The following PTPRO variants were observed in gnomAD, a reference collection of about 807,000 sequenced individuals.
The protein encoded by PTPRO is protein tyrosine phosphatase receptor type O.
In PTPRO, 62 loss-of-function variants were observed where a neutral mutation model predicts 145.2. The observed-to-expected ratio is 0.43, with a 90% CI of 0.35 to 0.53. The LOEUF (loss-of-function observed/expected upper bound fraction) is 0.53. Ranked by LOEUF, PTPRO falls within the 20% of genes least tolerant of loss-of-function variation. PTPRO has a pLI of 0.01. For synonymous variants in PTPRO, 565 were observed against 514.7 expected, an observed-to-expected ratio of 1.10 and a Z score of -1.32; for missense variants, 1,345 against 1,482.7, an observed-to-expected ratio of 0.91 and a Z score of 1.53.
At chr12:15,439,952 TC>T in intron 1 of PTPRO, 1 of 684,626 alleles carries the variant, frequency 1.5e-6, no homozygotes, top group Non-Finnish European at 2.7e-6. Context: ...TGTTAAGTGC[TC>T]CAAGGAGGTG....
chr12:15,539,055 C>A (rs1056719199), intron 12 of PTPRO, among the ~76,000 whole-genome samples: 2 of 151,964 alleles, frequency 1.3e-5, no homozygotes, highest in African/African-American at 4.8e-5. Context: ...ATATATGACT[C>A]CTAACAAAAT....
At chr12:15,477,659 C>A (rs1446766090) in intron 1 of PTPRO, among the ~76,000 whole-genome samples, 1 of 152,038 alleles carries the variant, frequency 6.6e-6, no homozygotes, top group African/African-American at 2.4e-5. Context: ...GCCTTCAGAG[C>A]GTGAGTCGGG....
chr12:15,385,629 T>C (rs932851483), intron 1 of PTPRO, among the ~76,000 whole-genome samples: 1 of 151,974 alleles, frequency 6.6e-6, no homozygotes, highest in African/African-American at 2.4e-5. Context: ...CTGGCTAACA[T>C]GGTGAAACCC....
At chr12:15,492,230 G>A (rs1289042217) in intron 2 of PTPRO, among the ~76,000 whole-genome samples, 1 of 152,096 alleles carries the variant, frequency 6.6e-6, no homozygotes, top group Non-Finnish European at 1.5e-5. Flanking sequence ...CATCAAATGA[G>A]CCCAGAGCCT....
intron 1 of PTPRO, among the ~76,000 whole-genome samples, chr12:15,324,714 GA>G (rs1417182839): frequency 1.3e-5 from 2 of 152,072 alleles, no homozygotes; most frequent in African/African-American, 4.8e-5. Flanking sequence ...GAGGAAAGAA[GA>G]AAAAACTGTA....
intron 1 of PTPRO, among the ~76,000 whole-genome samples, chr12:15,454,766 A>G (rs1941133581): frequency 6.6e-6 from 1 of 152,160 alleles, no homozygotes; most frequent in African/African-American, 2.4e-5. Context: ...ATGTAGGGAA[A>G]GATAAGGGTC....
chr12:15,518,676 A>G (rs1942650113), intron 9 of PTPRO, among the ~76,000 whole-genome samples: 2 of 152,162 alleles, frequency 1.3e-5, no homozygotes, highest in South Asian at 4.1e-4. Context: ...ACCCTAAATC[A>G]TCTCTCTTAA....
chr12:15,484,397 G>T, intron 2 of PTPRO, 150 bp downstream of exon 2: 2 of 859,628 alleles, frequency 2.3e-6, no homozygotes, highest in Non-Finnish European at 3.6e-6. Context: ...GCTATATTAA[G>T]AATACAGCTG....
In PTPRO at chr12:15,388,016, A is replaced by G. The variant is rs111788814; in HGVS notation, c.75+65215A>G. On this transcript the variant is annotated intron_variant, in intron 1 of 26. Transcript: ENST00000281171. The stretch of plus-strand genomic sequence containing the variant: ...AATTGTGACACCCTATAAGGAAAGT[A>G]AAAAGAGATCCACCTAGTTATAAAC... Among the ~76,000 whole-genome samples the G allele has an allele frequency of 3.9e-5, 6 of 152,300 alleles. 1 individual carries two copies. The highest frequency in any genetic ancestry group is 1.4e-4 in the African/African-American group (6 of 41,570).
chr12:15,403,515 G>A (rs574311651), intron 1 of PTPRO, among the ~76,000 whole-genome samples: 2 of 152,262 alleles, frequency 1.3e-5, no homozygotes, highest in South Asian at 4.1e-4. Flanking sequence ...CCCGGCAGGC[G>A]GAGGTTGCAG....
chr12:15,514,617 C>T (rs2136498899), intron 7 of PTPRO, among the ~76,000 whole-genome samples: 1 of 150,790 alleles, frequency 6.6e-6, no homozygotes, highest in Admixed American at 6.6e-5. Flanking sequence ...GATTAAAGGT[C>T]CCAACACTAG....
In PTPRO at chr12:15,541,255, T is replaced by C. The variant is rs890339751; in HGVS notation, c.2165-5314T>C. Among the ~76,000 whole-genome samples, 4 of 152,244 alleles carry C rather than the reference T, an allele frequency of 2.6e-5. No homozygotes were observed. In the East Asian group the frequency reaches 7.7e-4, roughly 29 times the overall value. On this transcript the variant is annotated intron_variant, in intron 12 of 26. Coordinates refer to ENST00000281171, the MANE Select transcript of PTPRO (RefSeq NM_030667.3). ...CTAATATCTACATGACTTTACATTA[T>C]ATAAAGTGTTTGTGTATGCATTGTC...
intron 12 of PTPRO, among the ~76,000 whole-genome samples, chr12:15,537,280 G>A (rs1943085222): frequency 6.6e-6 from 1 of 152,168 alleles, no homozygotes; most frequent in Non-Finnish European, 1.5e-5. Flanking sequence ...CGACAGATGT[G>A]ATGAGTTAAC....
chr12:15,410,863 A>G (rs7958785), intron 1 of PTPRO: 6 of 152,352 alleles, frequency 3.9e-5, no homozygotes, highest in Middle Eastern at 6.8e-3. Context: ...TGAAACAATA[A>G]TAGTTTAAAT....
intron 12 of PTPRO, among the ~76,000 whole-genome samples, chr12:15,540,146 T>A (rs974558481): frequency 2.6e-5 from 4 of 152,224 alleles, no homozygotes; most frequent in African/African-American, 9.6e-5. Context: ...TTTCAGACAG[T>A]GCTTTCTTTT....
chr12:15,437,041 T>C (rs1022672977), intron 1 of PTPRO, among the ~76,000 whole-genome samples: 3 of 151,882 alleles, frequency 2.0e-5, no homozygotes, highest in Non-Finnish European at 2.9e-5. Context: ...GGCAGAAATC[T>C]GGGTATTTGG....
intron 12 of PTPRO, 138 bp downstream of exon 12, chr12:15,526,400 C>G (rs1942839109): frequency 1.7e-6 from 2 of 1,170,984 alleles, no homozygotes; most frequent in Non-Finnish European, 2.5e-6. Flanking sequence ...GACATTTGTA[C>G]TAGCAAAAGG....
At chr12:15,595,160 G>A in intron 26 of PTPRO, 103 bp downstream of exon 26, 1 of 763,046 alleles carries the variant, frequency 1.3e-6, no homozygotes, top group Non-Finnish European at 2.3e-6. Flanking sequence ...TATTGACTCT[G>A]ACTTCACATG....
intron 1 of PTPRO, among the ~76,000 whole-genome samples, chr12:15,331,790 G>C (rs1565567835): frequency 6.6e-6 from 1 of 152,048 alleles, no homozygotes; most frequent in Non-Finnish European, 1.5e-5. Context: ...ACATGAATTT[G>C]GGAAATTATT....
Sources: allele counts gnomAD v4.1 joint callset (sites outside exome capture counted in the v4.1 genomes callset), GRCh38; gene constraint gnomAD v4.1.1; transcripts MANE v1.5; gene names NCBI Gene and HGNC (gene_info 2026-07-23, HGNC 2026-07-21).